The following ATAD3C variants were observed in gnomAD, a reference collection of about 807,000 sequenced individuals.
ATAD3C encodes ATPase family AAA domain-containing protein 3C.
A neutral mutation model predicts 46.3 loss-of-function variants in ATAD3C; 38 were observed. That is an observed-to-expected ratio of 0.82 (90% CI 0.63 to 1.08). The LOEUF is 1.08. ATAD3C is among the 50% of genes least tolerant of loss of function. ATAD3C has a pLI of 0.00. For synonymous variants in ATAD3C, 220 were observed against 236.4 expected, an observed-to-expected ratio of 0.93 and a Z score of 0.63; for missense variants, 563 against 572.7, an observed-to-expected ratio of 0.98 and a Z score of 0.17.
At position 1,464,845 on chromosome 1, in the gene ATAD3C, C is replaced by G. The variant is rs530795219; in HGVS notation, c.1089+2137C>G. On this transcript the variant is annotated intron_variant, in intron 11 of 11. Coordinates refer to ENST00000378785, the MANE Select transcript of ATAD3C (RefSeq NM_001039211.3). ...GGTTTTCACAGGGATTGCATTTAGT[C>G]TCTATGTTGCTTTGATGTCTCTCAG... Among the ~76,000 whole-genome samples the G allele has an allele frequency of 2.6e-5, 4 of 152,052 alleles. No homozygotes were observed. In the South Asian group the frequency reaches 6.3e-4, roughly 24 times the overall value.
At position 1,462,914 on chromosome 1, in the gene ATAD3C, A is replaced by G. The variant is rs1311475826; in HGVS notation, c.1089+206A>G. Among the ~76,000 whole-genome samples, 1 of 152,108 alleles carries G rather than the reference A, an allele frequency of 6.6e-6. No individual in the cohort carries two copies. The highest frequency in any genetic ancestry group is 1.5e-5 in the Non-Finnish European group (1 of 68,000). On this transcript the variant is annotated intron_variant, in intron 11 of 11. Coordinates refer to ENST00000378785, the MANE Select transcript of ATAD3C (RefSeq NM_001039211.3). This position sits in a 1 kb window ranked among gnomAD's most constrained non-coding sequence, Gnocchi z 4.5. The stretch of plus-strand genomic sequence containing the variant: ...CTGCTCCAGCAAGAAGGGTGGGGCC[A>G]TGTCAGTGGCTGACGGTCACAGGTC...
At chr1:1,454,765 C>T (rs112073382) in intron 4 of ATAD3C, among the ~76,000 whole-genome samples, 2 of 151,772 alleles carry the variant, frequency 1.3e-5, no homozygotes, top group East Asian at 1.9e-4. Context: ...TTGCAAGACC[C>T]GGGATTTGGG....
Position 1,459,196 on chromosome 1 carries a change from C to G in ATAD3C, c.777C>G (p.Asn259Lys). 6.2e-7 allele frequency: 1 copy of G among 1,612,716 alleles called. No individual in the cohort carries two copies. Among genetic ancestry groups the G allele is most frequent in the Non-Finnish European group, 8.5e-7 (1 of 1,179,638 alleles). The change falls in exon 9 of 12, where the codon AAC (asparagine) becomes AAG (lysine). Residue 259 changes from asparagine (N) to lysine (K), a missense_variant. This residue lies in a region of ATAD3C where 273 missense variants were observed against 253.5 expected (regional missense o/e 1.08). Transcript: ENST00000378785. This position sits in a 1 kb window ranked among gnomAD's most constrained non-coding sequence, Gnocchi z 4.9. ...GCGAGGACCTCAGGGCCACACTGAA[C>G]GCCTTCCTGTACCGCACGGGCCAGC... Reference protein sequence around the residue: ...KISEDLRATLNAFLYRTGQHS... With the variant: ...KISEDLRATLKAFLYRTGQHS...
Position 1,460,822 on chromosome 1 carries a change from G to A in ATAD3C, c.885G>A (p.Met295Ile), listed in dbSNP as rs754602506. 2.5e-6 allele frequency: 4 copies of A among 1,612,900 alleles called. No individual in the cohort carries two copies. The highest frequency in any genetic ancestry group is 3.4e-6 in the Non-Finnish European group (4 of 1,179,440). ...CCATCAATGCCTGCATCGACGTGAT[G>A]GTCCACTTCGACCTGCCAGGGCAGG... is the stretch of plus-strand genomic sequence containing the variant. ...DWAINACIDV[M>I]VHFDLPGQEE... Residue 295 changes from methionine (M) to isoleucine (I), a missense_variant, in exon 10 of 12, where the codon ATG (methionine) becomes ATA (isoleucine). Physicochemically the swap from Met to Ile is conservative, Grantham distance 10. This residue lies in a region of ATAD3C where 273 missense variants were observed against 253.5 expected (regional missense o/e 1.08). Coordinates refer to ENST00000378785, the MANE Select transcript of ATAD3C (RefSeq NM_001039211.3).
Position 1,454,510 on chromosome 1 carries a change from C to T in ATAD3C, c.378+10C>T, listed in dbSNP as rs762776468. 1.2e-6 allele frequency: 2 copies of T among 1,604,364 alleles called. No individual in the cohort carries two copies. The highest frequency in any genetic ancestry group is 1.7e-6 in the Non-Finnish European group (2 of 1,177,566). On this transcript the variant is annotated intron_variant, in intron 4 of 11. Transcript: ENST00000378785. ...GCGGCACCCCATCCAGGTAGCGGCG[C>T]AGGCCTGGCCCTCCCTGAGTGCAAG...
intron 8 of ATAD3C, among the ~76,000 whole-genome samples, chr1:1,458,858 G>A (rs1164329337): frequency 6.6e-6 from 1 of 151,730 alleles, no homozygotes; most frequent in Non-Finnish European, 1.5e-5. Context: ...ACGTAGCTGG[G>A]ACCACAGGTG....
rs70949592 is a variant in ATAD3C, at chr1:1,469,099, T to TAAAAAAAAAAAAAAAAAAAAAA, written c.*585_*606dup. ...CAACATGGTGAAACTCCATCTCTCC[T>TAAAAAAAAAAAAAAAAAAAAAA]AAAAAAAAAAAAAAAAAAAAAAAAA... On this transcript the variant is annotated 3_prime_UTR_variant, in exon 12 of 12. Coordinates refer to ENST00000378785, the MANE Select transcript of ATAD3C (RefSeq NM_001039211.3). 1 of 18,872 alleles carries TAAAAAAAAAAAAAAAAAAAAAA rather than the reference T, an allele frequency of 5.3e-5. No individual in the cohort carries two copies. The highest frequency in any genetic ancestry group is 1.3e-4 in the African/African-American group (1 of 7,864). 1.2% of individuals were successfully genotyped at this position (18,872 alleles called of 1,614,324 possible). A position where few individuals can be genotyped will look rare whatever the true frequency, so the allele number is the denominator to read the frequency against.
In ATAD3C at chr1:1,457,157, G is replaced by A. The variant is rs769812580; in HGVS notation, c.718G>A (p.Ala240Thr). The A allele has an allele frequency of 2.4e-5, 38 of 1,613,284 alleles. 2 individuals carry two copies. The highest frequency in any genetic ancestry group is 1.6e-4 in the Middle Eastern group (1 of 6,076). The part of the protein sequence containing the change: ...GLLLFVDEAD[A>T]FLRKRATEKI... ...CCTGCTCTTTGTGGATGAAGCGGAC[G>A]CCTTCCTTCGGAAGCGAGCCACTGT... is the stretch of plus-strand genomic sequence containing the variant. Residue 240 changes from alanine (A) to threonine (T), a missense_variant, in exon 8 of 12, where the codon GCC (alanine) becomes ACC (threonine). This residue lies in a region of ATAD3C where 273 missense variants were observed against 253.5 expected (regional missense o/e 1.08). Transcript: ENST00000378785.
At position 1,468,504 on chromosome 1, in the gene ATAD3C, C is replaced by G; in HGVS notation, c.1210C>G (p.Pro404Ala). The change falls in exon 12 of 12, where the codon CCC (proline) becomes GCC (alanine). Residue 404 changes from proline (P) to alanine (A), a missense_variant. Coordinates refer to ENST00000378785, the MANE Select transcript of ATAD3C (RefSeq NM_001039211.3). Reference protein sequence around the residue: ...MRWLKGERPGPEDEQPSS With the variant: ...MRWLKGERPGAEDEQPSS ...CTGGCTGAAGGGGGAGAGGCCTGGG[C>G]CCGAGGACGAGCAACCCTCATCCTG... is the stretch of plus-strand genomic sequence containing the variant. 1 of 1,609,122 alleles carries G rather than the reference C, an allele frequency of 6.2e-7. No individual in the cohort carries two copies. The highest frequency in any genetic ancestry group is 1.1e-5 in the South Asian group (1 of 90,598).
chr1:1,452,448 T>C lies in ATAD3C; in HGVS notation c.222+14T>C. 1.2e-6 allele frequency: 2 copies of C among 1,613,564 alleles called. No homozygotes were observed. The highest frequency in any genetic ancestry group is 1.7e-6 in the Non-Finnish European group (2 of 1,179,684). On this transcript the variant is annotated intron_variant, in intron 3 of 11. Transcript: ENST00000378785. ...GTGACAGCCACGGTAAACATACTCA[T>C]AAAACAGGGCTGGCAGGTGGCTGAG...
chr1:1,456,331 C>T lies in ATAD3C; in HGVS notation c.671C>T (p.Ala224Val). 2 of 1,371,096 alleles carry T rather than the reference C, an allele frequency of 1.5e-6. No homozygotes were observed. Among genetic ancestry groups the T allele is most frequent in the Non-Finnish European group, 1.9e-6 (2 of 1,049,042 alleles). The allele number at this position is 1,371,096 out of a possible 1,614,324, so 84.9% of individuals were successfully genotyped here. A position where few individuals can be genotyped will look rare whatever the true frequency, so the allele number is the denominator to read the frequency against. ...VTAMHKLFDW[A>V]NTSRRGLLLF... ...GCCATGCACAAGCTCTTTGACTGGGCCAATACCAGCCGGCGCGGGTGAGAC... is the reference window on the plus strand; with the variant it reads ...GCCATGCACAAGCTCTTTGACTGGGTCAATACCAGCCGGCGCGGGTGAGAC... The change falls in exon 7 of 12, where the codon GCC becomes GTC. Residue 224 changes from alanine to valine, a missense_variant. Coordinates refer to ENST00000378785, the MANE Select transcript of ATAD3C (RefSeq NM_001039211.3).
At position 1,457,615 on chromosome 1, in the gene ATAD3C, C is replaced by CAAA. The variant is rs1041273067; in HGVS notation, c.741+441_741+443dup. Among the ~76,000 whole-genome samples, 9 of 109,104 alleles carry CAAA rather than the reference C, an allele frequency of 8.2e-5. 1 individual carries two copies. The highest frequency in any genetic ancestry group is 3.9e-4 in the African/African-American group (9 of 23,018). 71.6% of individuals were successfully genotyped at this position (109,104 alleles called of 152,430 possible). A position where few individuals can be genotyped will look rare whatever the true frequency, so the allele number is the denominator to read the frequency against. On this transcript the variant is annotated intron_variant, in intron 8 of 11. Coordinates refer to ENST00000378785, the MANE Select transcript of ATAD3C (RefSeq NM_001039211.3). ...CATCTCAAAAAAAAAAAAAAAAAAACAAAAAAAACAGCATTTTTTTAGGTC... is the reference window on the plus strand; with the variant it reads ...CATCTCAAAAAAAAAAAAAAAAAAACAAAAAAAAAAACAGCATTTTTTTAGGTC...
In ATAD3C at chr1:1,452,089, A is replaced by G; in HGVS notation, c.119A>G (p.Gln40Arg). The G allele has an allele frequency of 6.2e-7, 1 of 1,613,702 alleles. No individual in the cohort carries two copies. Among genetic ancestry groups the G allele is most frequent in the African/African-American group, 1.3e-5 (1 of 75,058 alleles). ...TTACGGAAGCAGGAGGAGTCCGTGC[A>G]GAAGCACCATCAGACCTTCTTGGAG... ...EDLRKQEESV[Q>R]KHHQTFLESI... Residue 40 changes from glutamine (Q) to arginine (R), a missense_variant, in exon 2 of 12, where the codon CAG (glutamine) becomes CGG (arginine). Transcript: ENST00000378785.
At chr1:1,457,621 A>AC (rs1397585915) in intron 8 of ATAD3C, among the ~76,000 whole-genome samples, 24 of 150,790 alleles carry the variant, frequency 1.6e-4, no homozygotes, top group African/African-American at 5.9e-4. Flanking sequence ...AAAACAAAAA[A>AC]AACAGCATTT....
rs757101507 is a variant in ATAD3C, at chr1:1,457,740, G to A, written c.741+560G>A. Among the ~76,000 whole-genome samples the A allele has an allele frequency of 1.6e-3, 244 of 151,602 alleles. 7 individuals carry two copies. Among genetic ancestry groups the A allele is most frequent in the Non-Finnish European group, 1.1e-3 (72 of 67,902 alleles). On this transcript the variant is annotated intron_variant, in intron 8 of 11. Transcript: ENST00000378785. ...TGTTGCCAGAGTGGAGTTCAGTGGC[G>A]TGATCTCGGCTCACTGCAACCTCCG...
Position 1,450,695 on chromosome 1 carries a change from C to T in ATAD3C, c.12C>T (p.Asp4=), listed in dbSNP as rs780611504. MSK[D]ALNLAQMQEQ... Reference sequence around the variant, plus strand: ...TGCATCTGCAGGCCATGTCAAAGGACGCCCTGAATCTGGCGCAGATGCAGG... The same window carrying T: ...TGCATCTGCAGGCCATGTCAAAGGATGCCCTGAATCTGGCGCAGATGCAGG... Residue 4 remains aspartate (D), a synonymous_variant, in exon 1 of 12, where the codon GAC becomes GAT. Transcript: ENST00000378785. 2.0e-5 allele frequency: 33 copies of T among 1,612,762 alleles called. No individual in the cohort carries two copies. The highest frequency in any genetic ancestry group is 9.9e-5 in the South Asian group (9 of 90,944).
intron 9 of ATAD3C, among the ~76,000 whole-genome samples, 178 bp from the exon 10 acceptor site, chr1:1,460,572 G>A (rs2100485182): frequency 6.6e-6 from 1 of 152,142 alleles, no homozygotes; most frequent in East Asian, 1.9e-4. Flanking sequence ...GGGCGTGGTG[G>A]GGCAGGCAGG....
At chr1:1,465,589 T>TAA (rs1156747431) in intron 11 of ATAD3C, among the ~76,000 whole-genome samples, 28 of 110,486 alleles carry the variant, frequency 2.5e-4, no homozygotes, top group African/African-American at 5.2e-4. Flanking sequence ...AGACTGTCTT[T>TAA]AAAAAAAAAA....
intron 11 of ATAD3C, among the ~76,000 whole-genome samples, chr1:1,463,086 C>A (rs571948576): frequency 6.6e-6 from 1 of 152,014 alleles, no homozygotes; most frequent in African/African-American, 2.4e-5. Flanking sequence ...GGTGGAGGGA[C>A]GTTGTGTTTC....
Sources: gnomAD v4.1 joint callset for allele counts (sites outside exome capture counted in the v4.1 genomes callset) on GRCh38, gnomAD v4.1.1 for gene constraint, gnomAD v4.1.1 regional missense constraint, Gnocchi (gnomAD v3.1) non-coding constraint, MANE v1.5 for transcripts, NCBI Gene and HGNC (gene_info 2026-07-23, HGNC 2026-07-21) for gene names.